Variants in SYTL5 observed in about 807,000 individuals in gnomAD.
SYTL5 encodes the protein synaptotagmin-like protein 5.
Under a neutral mutation model 55.9 loss-of-function variants are expected in SYTL5, and 34 were observed. That is an observed-to-expected ratio of 0.61 (90% CI 0.46 to 0.81). SYTL5 has a LOEUF of 0.81. Ranked by LOEUF, SYTL5 falls within the 30% of genes least tolerant of loss-of-function variation. The probability of loss-of-function intolerance (pLI) is 0.00; values close to 1 mark genes in which losing one functional copy is unlikely to be tolerated. For missense variants in SYTL5, 637 were observed against 546.7 expected, an observed-to-expected ratio of 1.17 and a Z score of -1.65; for synonymous variants, 221 against 188.7, an observed-to-expected ratio of 1.17 and a Z score of -1.40.
the SYTL5 span, among the ~76,000 whole-genome samples, chrX:37,929,353 T>C: frequency 9.0e-6 from 1 of 111,708 alleles, no homozygotes; most frequent in African/African-American, 3.3e-5. Context: ...GGGGTCAATA[T>C]GAGACCTCTG....
chrX:38,086,078 A>G lies in SYTL5; in HGVS notation c.690-3368A>G, dbSNP rs1228167146. Among the ~76,000 whole-genome samples, 6 of 111,687 alleles carry G rather than the reference A, an allele frequency of 5.4e-5. No individual in the cohort carries two copies. In the South Asian group the frequency reaches 1.1e-3, roughly 21 times the overall value. On this transcript the variant is annotated intron_variant, in intron 6 of 16. Coordinates refer to ENST00000297875, the MANE Select transcript of SYTL5 (RefSeq NM_138780.3). ...AAACCATAACCGCTTGCAAATAACA[A>G]TGCAGTTTATATAGCATTTTCACTT... is the stretch of plus-strand genomic sequence containing the variant.
chrX:37,893,467 A>C, the SYTL5 span, among the ~76,000 whole-genome samples: 3 of 94,874 alleles, frequency 3.2e-5, no homozygotes, highest in African/African-American at 1.1e-4. Context: ...TATATATAAT[A>C]TATAGTTAGT....
intron 6 of SYTL5, among the ~76,000 whole-genome samples, chrX:38,086,663 C>T (rs970466847): frequency 5.3e-5 from 6 of 112,176 alleles, no homozygotes; most frequent in African/African-American, 1.9e-4. Flanking sequence ...TTGACCTTTA[C>T]ACTTCACAAC....
At chrX:38,069,927 G>T in intron 3 of SYTL5, among the ~76,000 whole-genome samples, 1 of 111,895 alleles carries the variant, frequency 8.9e-6, no homozygotes, top group South Asian at 3.7e-4. Context: ...GTTTTGGTAG[G>T]TTATATCTTA....
At chrX:37,915,301 C>T in the SYTL5 span, among the ~76,000 whole-genome samples, 35 of 111,826 alleles carry the variant, frequency 3.1e-4, 1 homozygote, top group Middle Eastern at 4.6e-3. Context: ...TAAAACTGTA[C>T]CAGATTTTTG....
At position 38,094,395 on chromosome X, in the gene SYTL5, T is replaced by C. The variant is rs760950944; in HGVS notation, c.932T>C (p.Ile311Thr). The stretch of plus-strand genomic sequence containing the variant: ...AGAAACACTTCTGGCACACCTTCCA[T>C]AGCAGTGTCTGGAACCTCTCTCTCC... ...HRRNTSGTPS[I>T]AVSGTSLSSD... is the part of the protein sequence containing the mutation. The change falls in exon 8 of 17, where the codon ATA becomes ACA. Residue 311 changes from isoleucine (I) to threonine (T), a missense_variant. Coordinates refer to ENST00000297875, the MANE Select transcript of SYTL5 (RefSeq NM_138780.3). The C allele has an allele frequency of 1.5e-5, 18 of 1,200,867 alleles. No homozygotes were observed. In the Admixed American group the frequency reaches 3.5e-4, roughly 23 times the overall value.
chrX:38,103,149 T>C, intron 10 of SYTL5: 2 of 879,993 alleles, frequency 2.3e-6, no homozygotes, highest in East Asian at 6.9e-5. Context: ...AATTTCATGG[T>C]CTGGGAACTA....
intron 12 of SYTL5, 59 bp downstream of exon 12, chrX:38,108,758 A>G: frequency 2.8e-6 from 2 of 709,192 alleles, no homozygotes; most frequent in Non-Finnish European, 4.3e-6. Flanking sequence ...TCAATGGTTT[A>G]GAAGTAACTA....
intron 1 of SYTL5, among the ~76,000 whole-genome samples, chrX:38,032,697 T>C (rs1456203215): frequency 1.8e-5 from 2 of 111,286 alleles, no homozygotes; most frequent in Non-Finnish European, 3.8e-5. Flanking sequence ...TATATATGTA[T>C]ATGCTATCAT....
At chrX:37,959,970 TTA>T in the SYTL5 span, among the ~76,000 whole-genome samples, 1 of 111,621 alleles carries the variant, frequency 9.0e-6, no homozygotes, top group African/African-American at 3.3e-5. Flanking sequence ...CTGCCAAAGT[TTA>T]TGTCTCATAC....
rs760506467 is a variant in SYTL5, at chrX:38,127,320, T to G, written c.*590T>G. On this transcript the variant is annotated 3_prime_UTR_variant, in exon 17 of 17. Transcript: ENST00000297875. The stretch of plus-strand genomic sequence containing the variant: ...GAATTTATCATCTAAATCAGTTTAC[T>G]TTTTAGAACAAAGAGAGCTAAATAA... 2.7e-5 allele frequency: 3 copies of G among 112,354 alleles called. No individual in the cohort carries two copies. The East Asian group carries it at 8.4e-4, about 31-fold the overall frequency. 9.3% of individuals were successfully genotyped at this position (112,354 alleles called of 1,213,427 possible).
At chrX:38,108,085 C>T (rs767268140) in intron 11 of SYTL5, among the ~76,000 whole-genome samples, 2 of 111,843 alleles carry the variant, frequency 1.8e-5, no homozygotes, top group Non-Finnish European at 3.8e-5. Context: ...TCACCCATTA[C>T]CATTGACCCC....
the SYTL5 span, among the ~76,000 whole-genome samples, chrX:37,904,265 CGG>C: frequency 4.4e-4 from 28 of 63,133 alleles, no homozygotes; most frequent in Admixed American, 1.4e-3. Context: ...TGGGGTGGTC[CGG>C]GGGGGGGGGT....
chrX:37,922,857 A>G, the SYTL5 span, among the ~76,000 whole-genome samples: 1 of 111,474 alleles, frequency 9.0e-6, no homozygotes, highest in African/African-American at 3.3e-5. Context: ...CACATACATA[A>G]CAGCTTTTCT....
the SYTL5 span, among the ~76,000 whole-genome samples, chrX:37,905,457 G>C: frequency 9.3e-6 from 1 of 107,045 alleles, no homozygotes; most frequent in Non-Finnish European, 1.9e-5. Flanking sequence ...CGTGGGGGGT[G>C]ACAGTTCCTG....
intron 2 of SYTL5, among the ~76,000 whole-genome samples, chrX:38,053,386 T>C (rs989763179): frequency 2.7e-5 from 3 of 112,695 alleles, no homozygotes; most frequent in African/African-American, 9.7e-5. Context: ...AGGAATATTA[T>C]TACTCTCATT....
chrX:38,072,200 A>G (rs1309674482), intron 4 of SYTL5, 38 bp downstream of exon 4: 1 of 1,044,082 alleles, frequency 9.6e-7, no homozygotes, highest in Admixed American at 2.2e-5. Context: ...AACTGTTTTC[A>G]TCTCCATTTG....
At chrX:38,020,408 CATATAT>C (rs59575156) in intron 1 of SYTL5, among the ~76,000 whole-genome samples, 12,733 of 58,287 alleles carry the variant, frequency 0.22, 1,178 homozygotes, top group Non-Finnish European at 0.26. Context: ...TATGTGTGTG[CATATAT>C]ATATATATAT....
At chrX:38,043,165 G>C (rs1935334173) in intron 2 of SYTL5, among the ~76,000 whole-genome samples, 1 of 111,149 alleles carries the variant, frequency 9.0e-6, no homozygotes, top group Admixed American at 9.6e-5. Flanking sequence ...GATCTATAAA[G>C]GGCATCAATG....
Sources: allele counts gnomAD v4.1 joint callset (sites outside exome capture counted in the v4.1 genomes callset), GRCh38; gene constraint gnomAD v4.1.1; transcripts MANE v1.5; gene names NCBI Gene and HGNC (gene_info 2026-07-23, HGNC 2026-07-21).